Variants in INKA2 observed in about 807,000 individuals in gnomAD.
The protein encoded by INKA2 is inka box actin regulator 2.
A neutral mutation model predicts 9.8 loss-of-function variants in INKA2; 3 were observed. That is an observed-to-expected ratio of 0.31 (90% CI 0.14 to 0.79). The LOEUF (loss-of-function observed/expected upper bound fraction) is 0.79. INKA2 is among the 30% of genes least tolerant of loss of function. INKA2 has a pLI of 0.62. For missense variants in INKA2, 392 were observed against 384.4 expected, an observed-to-expected ratio of 1.02 and a Z score of -0.17; for synonymous variants, 147 against 143.3, an observed-to-expected ratio of 1.03 and a Z score of -0.18.
In INKA2 at chr1:111,724,772, A is replaced by G. The variant is rs1339667264; in HGVS notation, c.*2196T>C. On this transcript the variant is annotated 3_prime_UTR_variant, in exon 2 of 2. Transcript: ENST00000357260. ...CTTGCTCAGTTGGCAAACTCCAGGT[A>G]GAGAAATAGCAAGAAAAGGACAGGG... is the stretch of plus-strand genomic sequence containing the variant. 1.3e-5 allele frequency: 2 copies of G among 152,276 alleles called. No individual in the cohort carries two copies. Among genetic ancestry groups the G allele is most frequent in the African/African-American group, 4.8e-5 (2 of 41,442 alleles). The allele number at this position is 152,276 out of a possible 1,614,324, so 9.4% of individuals were successfully genotyped here.
chr1:111,745,847 C>T (rs1368263635), intron 1 of INKA2: 1 of 152,176 alleles, frequency 6.6e-6, no homozygotes, highest in Admixed American at 6.5e-5. Flanking sequence ...TTATCACATA[C>T]CACTTGGCCA....
At chr1:111,741,579 G>A (rs1444253466), upstream of INKA2, among the ~76,000 whole-genome samples, 1 of 152,198 alleles carries the variant, frequency 6.6e-6, no homozygotes, top group Admixed American at 6.5e-5. Flanking sequence ...TCCACAGAGG[G>A]GGACTTCAAT....
intron 1 of INKA2, among the ~76,000 whole-genome samples, chr1:111,749,117 C>G (rs867942170): frequency 6.6e-6 from 1 of 152,304 alleles, no homozygotes; most frequent in South Asian, 2.1e-4. Context: ...GATGGCCCCA[C>G]AGAGATAAAA....
chr1:111,727,443 T>G lies in INKA2; in HGVS notation c.419A>C (p.Asp140Ala). The change falls in exon 2 of 2, where the codon GAC becomes GCC. Residue 140 changes from aspartate to alanine, a missense_variant. Physicochemically the swap from Asp to Ala is moderately radical, Grantham distance 126 (BLOSUM62 -2). Transcript: ENST00000357260. ...CCGGGACATCAACGTGGAGGTCCAGTCATCCGGTTCCACTCGCTCTGGCCC... is the reference window on the plus strand; with the variant it reads ...CCGGGACATCAACGTGGAGGTCCAGGCATCCGGTTCCACTCGCTCTGGCCC... ...QQGPERVEPD[D>A]WTSTLMSRGR... is the part of the protein sequence containing the mutation. 1 of 1,614,206 alleles carries G rather than the reference T, an allele frequency of 6.2e-7. No individual in the cohort carries two copies. Among genetic ancestry groups the G allele is most frequent in the Non-Finnish European group, 8.5e-7 (1 of 1,180,036 alleles).
rs1044646116 is a variant in INKA2 at position 111,726,864 on chromosome 1, G to A, written c.*104C>T. On this transcript the variant is annotated 3_prime_UTR_variant, in exon 2 of 2. Coordinates refer to ENST00000357260, the MANE Select transcript of INKA2 (RefSeq NM_019099.5). ...CCGCTTTCTGGGGGAAAGGAACTTG[G>A]AGTTGGGCTTTCGAGAGCCATACCG... 5.2e-6 allele frequency: 6 copies of A among 1,149,302 alleles called. No homozygotes were observed. In the African/African-American group the frequency reaches 7.8e-5, roughly 15 times the overall value. The allele number at this position is 1,149,302 out of a possible 1,614,324, so 71.2% of individuals were successfully genotyped here. A position where few individuals can be genotyped will look rare whatever the true frequency, so the allele number is the denominator to read the frequency against.
chr1:111,743,804 C>A (rs1026931576), upstream of INKA2, among the ~76,000 whole-genome samples: 2 of 152,254 alleles, frequency 1.3e-5, no homozygotes, highest in African/African-American at 2.4e-5. Context: ...GGGGCCCTAT[C>A]CCCAGTGCCC....
At chr1:111,755,658 G>A (rs767450660) in intron 1 of INKA2, 3 of 1,607,016 alleles carry the variant, frequency 1.9e-6, no homozygotes, top group Admixed American at 3.3e-5. Context: ...TGCCCCCACC[G>A]CAGGCCCGCG....
At chr1:111,749,051 G>C (rs1663335813) in intron 1 of INKA2, among the ~76,000 whole-genome samples, 1 of 152,224 alleles carries the variant, frequency 6.6e-6, no homozygotes, top group South Asian at 2.1e-4. Context: ...GAAAATGTGA[G>C]CGAAGCTGCC....
rs540747477 is a variant in INKA2 at position 111,727,421 on chromosome 1, G to A, written c.441C>T (p.Ser147=). ...CCAGAGGCTGTCGATTCCGGCCCCGGGACATCAACGTGGAGGTCCAGTCAT... is the reference window on the plus strand; with the variant it reads ...CCAGAGGCTGTCGATTCCGGCCCCGAGACATCAACGTGGAGGTCCAGTCAT... ...EPDDWTSTLM[S]RGRNRQPLVL... is the part of the protein sequence containing the mutation. The change falls in exon 2 of 2, where the codon TCC becomes TCT. Residue 147 remains serine, a synonymous_variant. Transcript: ENST00000357260. The A allele has an allele frequency of 1.9e-6, 3 of 1,614,142 alleles. No individual in the cohort carries two copies. The highest frequency in any genetic ancestry group is 1.1e-5 in the South Asian group (1 of 91,076).
chr1:111,740,211 C>G (rs1663112745), upstream of INKA2: 1 of 152,300 alleles, frequency 6.6e-6, no homozygotes, highest in Non-Finnish European at 1.5e-5. Context: ...AAGCCTTTCT[C>G]TCCCCAGAGC....
chr1:111,750,395 A>G (rs1250254052), intron 1 of INKA2, among the ~76,000 whole-genome samples: 1 of 152,246 alleles, frequency 6.6e-6, no homozygotes, highest in African/African-American at 2.4e-5. Context: ...GGGTCATGAA[A>G]TAATACATTC....
At chr1:111,728,919 T>TTTTTTTTTTTTC (rs57795056) in intron 1 of INKA2, among the ~76,000 whole-genome samples, 3 of 150,356 alleles carry the variant, frequency 2.0e-5, no homozygotes, top group African/African-American at 7.4e-5. Flanking sequence ...TTTTTTTTTT[T>TTTTTTTTTTTTC]CAAACAGGGT....
chr1:111,745,293 A>ATATATATATAT (rs1358304932), intron 1 of INKA2: 4 of 49,272 alleles, frequency 8.1e-5, no homozygotes, highest in African/African-American at 2.9e-4. Flanking sequence ...ATATATATAT[A>ATATATATATAT]TTTTTTTTTT....
rs1662777679 is a variant in INKA2 at position 111,726,709 on chromosome 1, A to C, written c.*259T>G. The C allele has an allele frequency of 1.2e-5, 6 of 515,052 alleles. No individual in the cohort carries two copies. In the Admixed American group the frequency reaches 2.1e-4, roughly 18 times the overall value. The allele number at this position is 515,052 out of a possible 1,614,324, so 31.9% of individuals were successfully genotyped here. On this transcript the variant is annotated 3_prime_UTR_variant, in exon 2 of 2. Coordinates refer to ENST00000357260, the MANE Select transcript of INKA2 (RefSeq NM_019099.5). ...GCATGCATGCCAGACAGACACACAC[A>C]TGCACACACACACACACACACGCAC... is the stretch of plus-strand genomic sequence containing the variant.
chr1:111,732,653 A>T (rs1184832750), intron 1 of INKA2, among the ~76,000 whole-genome samples: 2 of 151,970 alleles, frequency 1.3e-5, no homozygotes, highest in Non-Finnish European at 2.9e-5. Flanking sequence ...CCATATTCCA[A>T]TGAAGATTGT....
upstream of INKA2, chr1:111,744,256 G>C (rs989207318): frequency 6.6e-6 from 1 of 152,140 alleles, no homozygotes; most frequent in Non-Finnish European, 1.5e-5. Context: ...TAATCACTTC[G>C]GGTTTTAATT....
upstream of INKA2, among the ~76,000 whole-genome samples, chr1:111,742,064 T>A (rs1663162154): frequency 6.6e-6 from 1 of 152,106 alleles, no homozygotes; most frequent in South Asian, 2.1e-4. Context: ...TTTCTCCATC[T>A]CTGAGACTTC....
upstream of INKA2, among the ~76,000 whole-genome samples, chr1:111,740,971 TAAAAAAAAAAAAAAAAAAAAAAAAAA>T (rs869221820): frequency 6.2e-4 from 24 of 38,404 alleles, 2 homozygotes; most frequent in South Asian, 2.9e-3. Context: ...AAACTCCGTT[TAAAAAAAAAAAAAAAAAAAAAAAAAA>T]AAAAAAAAAA....
Position 111,738,759 on chromosome 1 carries a change from C to A in INKA2, c.57+427G>T, listed in dbSNP as rs374834372. Reference sequence around the variant, plus strand: ...CAGGACCCAGCACCCTCCTCCTCCCCGCGCTCCAGGTCGCCCCGCGCAGCC... The same window carrying A: ...CAGGACCCAGCACCCTCCTCCTCCCAGCGCTCCAGGTCGCCCCGCGCAGCC... On this transcript the variant is annotated intron_variant, in intron 1 of 1. Transcript: ENST00000357260. Among the ~76,000 whole-genome samples, 677 of 152,284 alleles carry A rather than the reference C, an allele frequency of 4.4e-3. 7 individuals carry two copies. The highest frequency in any genetic ancestry group is 0.034 in the Middle Eastern group (10 of 294).
Sources: gnomAD v4.1 joint callset for allele counts (sites outside exome capture counted in the v4.1 genomes callset) on GRCh38, gnomAD v4.1.1 for gene constraint, MANE v1.5 for transcripts, NCBI Gene and HGNC (gene_info 2026-07-23, HGNC 2026-07-21) for gene names.